HERC6: variants seen among roughly 807,000 people sequenced by gnomAD.
HERC6 encodes the protein probable E3 ubiquitin-protein ligase HERC6.
Under a neutral mutation model 114.5 loss-of-function variants are expected in HERC6, and 101 were observed. That is an observed-to-expected ratio of 0.88 (90% CI 0.75 to 1.04). The LOEUF is 1.04. Among genes scored for constraint, HERC6 ranks in the 50% least tolerant of loss-of-function variants. HERC6 has a pLI of 0.00. For missense variants in HERC6, 1,133 were observed against 1,230.9 expected (o/e 0.92, Z 1.19); for synonymous variants, 408 against 436.2 (o/e 0.94, Z 0.81).
rs375978104 is a variant in HERC6 at position 88,430,569 on chromosome 4, C to CAAATAAATAAAT, written c.2107-561_2107-550dup. On this transcript the variant is annotated intron_variant, in intron 16 of 22. Coordinates refer to ENST00000264346, the MANE Select transcript of HERC6 (RefSeq NM_017912.4). ...TGGGCAGCAGAGTGAGACTCCATCT[C>CAAATAAATAAAT]AAATAAATAAATAAATAAATAAATA... 7.2e-3 allele frequency among the ~76,000 whole-genome samples: 1,021 copies of CAAATAAATAAAT among 141,290 alleles called. 16 individuals carry two copies. The highest frequency in any genetic ancestry group is 0.025 in the African/African-American group (891 of 36,296). The allele number at this position is 141,290 out of a possible 152,430, so 92.7% of individuals were successfully genotyped here. A position where few individuals can be genotyped will look rare whatever the true frequency, so the allele number is the denominator to read the frequency against.
chr4:88,379,855 AT>A (rs1449248306), intron 1 of HERC6, among the ~76,000 whole-genome samples: 235 of 58,500 alleles, frequency 4.0e-3, no homozygotes, highest in Non-Finnish European at 5.1e-3. Context: ...AAATATATAT[AT>A]AGCATATAAA....
At chr4:88,400,193 TTTTG>T (rs1384922633) in intron 8 of HERC6, among the ~76,000 whole-genome samples, 1 of 152,050 alleles carries the variant, frequency 6.6e-6, no homozygotes, top group Non-Finnish European at 1.5e-5. Context: ...TCTCTTTTGT[TTTTG>T]TTTGTTTGTT....
chr4:88,405,098 G>T, intron 9 of HERC6, 101 bp downstream of exon 9: 1 of 1,426,874 alleles, frequency 7.0e-7, no homozygotes, highest in South Asian at 1.3e-5. Context: ...GAAGGTATTT[G>T]CATTTTGACC....
chr4:88,439,005 T>C (rs1578439099), intron 20 of HERC6, among the ~76,000 whole-genome samples: 1 of 152,342 alleles, frequency 6.6e-6, no homozygotes, highest in South Asian at 2.1e-4. Context: ...CATCCTGTAG[T>C]ATAAGACAGA....
In HERC6 at chr4:88,396,872, G is replaced by A. The variant is rs1402839406; in HGVS notation, c.909G>A (p.Val303=). Residue 303 remains valine (V), a synonymous_variant, in exon 7 of 23, where the codon GTG becomes GTA. Transcript: ENST00000264346. ...GTAGTTATCACACCCTGGCATATGT[G>A]CACACCACTGGTCAGGTGGTATCTT... The part of the protein sequence containing the change: ...DCGSYHTLAY[V]HTTGQVVSFG... 1.3e-6 allele frequency: 2 copies of A among 1,596,816 alleles called. No individual in the cohort carries two copies. Among genetic ancestry groups the A allele is most frequent in the Non-Finnish European group, 1.7e-6 (2 of 1,169,976 alleles).
Position 88,437,715 on chromosome 4 carries a change from A to G in HERC6, c.2489A>G (p.His830Arg), listed in dbSNP as rs760003866. Residue 830 changes from histidine (H) to arginine (R), a missense_variant, in exon 20 of 23, where the codon CAC becomes CGC. Transcript: ENST00000264346. ...CTGAATACATTTTGGTTACAGATAC[A>G]CTGGGACCAAAATGATGTTGACTTA... is the stretch of plus-strand genomic sequence containing the variant. ...GDALCIRFSI[H>R]WDQNDVDLIP... The G allele has an allele frequency of 5.0e-6, 8 of 1,598,470 alleles. No homozygotes were observed. The highest frequency in any genetic ancestry group is 6.8e-6 in the Non-Finnish European group (8 of 1,170,662).
intron 13 of HERC6, 53 bp downstream of exon 13, chr4:88,417,632 T>G: frequency 6.7e-7 from 1 of 1,488,772 alleles, no homozygotes; most frequent in South Asian, 1.3e-5. Flanking sequence ...TCAAAATCCC[T>G]TAAGTCTCAA....
chr4:88,398,043 A>G, intron 7 of HERC6, 99 bp from the exon 8 acceptor site: 1 of 669,512 alleles, frequency 1.5e-6, no homozygotes, highest in Non-Finnish European at 2.5e-6. Flanking sequence ...TTAGGAGAAT[A>G]TAAATTGCCA....
At chr4:88,437,643 G>A in intron 19 of HERC6, 68 bp from the exon 20 acceptor site, 1 of 941,178 alleles carries the variant, frequency 1.1e-6, no homozygotes, top group Non-Finnish European at 1.7e-6. Flanking sequence ...TGGCAATAAA[G>A]ATATTATGGG....
rs1391776203 is a variant in HERC6, at chr4:88,442,438, C to T, written c.3047C>T (p.Ser1016Leu). 1.2e-6 allele frequency: 2 copies of T among 1,613,510 alleles called. No homozygotes were observed. Among genetic ancestry groups the T allele is most frequent in the Non-Finnish European group, 1.7e-6 (2 of 1,179,742 alleles). Reference protein sequence around the residue: ...VAINNNRGFVSPMLTQS With the variant: ...VAINNNRGFVLPMLTQS ...ATCAACAACAACAGAGGATTTGTCT[C>T]ACCCATGCTCACACAGTCATAATCA... Residue 1016 changes from serine (S) to leucine (L), a missense_variant, in exon 23 of 23, where the codon TCA becomes TTA. Physicochemically the swap from Ser to Leu is moderately radical, Grantham distance 145. Transcript: ENST00000264346.
rs564786150 is a variant in HERC6 at position 88,427,538 on chromosome 4, T to TA, written c.1936-1031dup. Among the ~76,000 whole-genome samples the TA allele has an allele frequency of 3.3e-4, 48 of 146,962 alleles. 1 individual carries two copies. The highest frequency in any genetic ancestry group is 8.1e-4 in the Admixed American group (12 of 14,780). ...TCCTTTTCCCTACAAATCTGGTGCC[T>TA]AAAAAAAAAAATCTTAAAGAAAAAC... On this transcript the variant is annotated intron_variant, in intron 15 of 22. Transcript: ENST00000264346.
At chr4:88,384,873 A>T (rs938576340) in intron 2 of HERC6, among the ~76,000 whole-genome samples, 31 of 152,104 alleles carry the variant, frequency 2.0e-4, no homozygotes, top group African/African-American at 7.5e-4. Flanking sequence ...TACAAAAAAA[A>T]ATAGCCGGAC....
At chr4:88,426,613 G>A (rs1208827453) in intron 15 of HERC6, among the ~76,000 whole-genome samples, 1 of 151,610 alleles carries the variant, frequency 6.6e-6, no homozygotes, top group Admixed American at 6.6e-5. Context: ...CCAAGTAGCT[G>A]GGATTACAGG....
rs1428483668 is a variant in HERC6, at chr4:88,418,713, T to C, written c.1713+1134T>C. On this transcript the variant is annotated intron_variant, in intron 13 of 22. Transcript: ENST00000264346. ...TGAGAGACCCATCACACTACACATGTGTGATTTTTTTGTTTGTTTGTTTGT... is the reference window on the plus strand; with the variant it reads ...TGAGAGACCCATCACACTACACATGCGTGATTTTTTTGTTTGTTTGTTTGT... Among the ~76,000 whole-genome samples the C allele has an allele frequency of 2.0e-5, 3 of 152,196 alleles. No individual in the cohort carries two copies. The East Asian group carries it at 5.8e-4, about 29-fold the overall frequency.
Position 88,439,992 on chromosome 4 carries a change from T to C in HERC6, c.2674T>C (p.Tyr892His), listed in dbSNP as rs201383147. The C allele has an allele frequency of 1.6e-5, 25 of 1,612,866 alleles. 1 individual carries two copies. The highest frequency in any genetic ancestry group is 1.7e-6 in the Non-Finnish European group (2 of 1,179,608). The change falls in exon 21 of 23, where the codon TAC (tyrosine) becomes CAC (histidine). Residue 892 changes from tyrosine (Y) to histidine (H), a missense_variant. Physicochemically the swap from Tyr to His is moderately conservative, Grantham distance 83. Around this residue, in one of 3 missense-constraint regions of HERC6, gnomAD observed 388 missense variants for 445.9 expected, o/e 0.87. Transcript: ENST00000264346. Reference protein sequence around the residue: ...VCEKEILRHFYPEELMTAIIG... With the variant: ...VCEKEILRHFHPEELMTAIIG... ...TGAGAAGGAGATACTTAGACATTTC[T>C]ACCCTGAAGAACTAATGACAGCAAT...
intron 15 of HERC6, among the ~76,000 whole-genome samples, chr4:88,426,433 G>A (rs1737623158): frequency 6.6e-6 from 1 of 151,678 alleles, no homozygotes; most frequent in Non-Finnish European, 1.5e-5. Context: ...CTCCCAAAGT[G>A]CTGGGATTAC....
At chr4:88,411,245 G>A (rs898696321) in intron 11 of HERC6, among the ~76,000 whole-genome samples, 4 of 152,044 alleles carry the variant, frequency 2.6e-5, no homozygotes, top group African/African-American at 7.2e-5. Flanking sequence ...AGTTCCAAGG[G>A]ACATTAGTTT....
intron 8 of HERC6, among the ~76,000 whole-genome samples, chr4:88,403,813 GGTA>G (rs1161892104): frequency 6.6e-6 from 1 of 151,808 alleles, no homozygotes; most frequent in East Asian, 1.9e-4. Context: ...CAGAGAGGTA[GGTA>G]TTATTATCTT....
chr4:88,394,837 G>A (rs1328010984), intron 5 of HERC6, among the ~76,000 whole-genome samples: 12 of 152,090 alleles, frequency 7.9e-5, no homozygotes, highest in Non-Finnish European at 1.0e-4. Flanking sequence ...GAGCCACTGC[G>A]CCCGGCCCCT....
Sources: gnomAD v4.1 joint callset for allele counts (sites outside exome capture counted in the v4.1 genomes callset) on GRCh38, gnomAD v4.1.1 for gene constraint, gnomAD v4.1.1 regional missense constraint, MANE v1.5 for transcripts, NCBI Gene and HGNC (gene_info 2026-07-23, HGNC 2026-07-21) for gene names.